Variants in ARID4B observed in about 807,000 individuals in gnomAD.
ARID4B encodes AT-rich interaction domain 4B, also known as AT-rich interactive domain-containing protein 4B.
A neutral mutation model predicts 147.5 loss-of-function variants in ARID4B; 26 were observed. That is an observed-to-expected ratio of 0.18 (90% confidence interval 0.13 to 0.24). ARID4B has a LOEUF of 0.24. Among genes scored for constraint, ARID4B ranks in the 10% least tolerant of loss-of-function variants. The pLI is 1.00. For synonymous variants in ARID4B, 512 were observed against 507.9 expected (o/e 1.01, Z -0.11); for missense variants, 1,179 against 1,511.5 (o/e 0.78, Z 3.65).
Position 235,207,767 on chromosome 1 carries a change from A to C in ARID4B, c.1841+6002T>G, listed in dbSNP as rs550787679. On this transcript the variant is annotated intron_variant, in intron 17 of 23. Transcript: ENST00000264183. ...TGAATGATGGCAAAAAATAGGATTGAGCCTACTCATTTGTGAAAGCCTTTT... is the reference window on the plus strand; with the variant it reads ...TGAATGATGGCAAAAAATAGGATTGCGCCTACTCATTTGTGAAAGCCTTTT... Among the ~76,000 whole-genome samples, 406 of 152,316 alleles carry C rather than the reference A, an allele frequency of 2.7e-3. 2 individuals carry two copies. The highest frequency in any genetic ancestry group is 0.024 in the Middle Eastern group (7 of 294).
chr1:235,168,698 T>C (rs759340213), intron 23 of ARID4B, 46 bp from the exon 24 acceptor site: 4 of 1,584,112 alleles, frequency 2.5e-6, no homozygotes, highest in Non-Finnish European at 2.6e-6. Context: ...AAAATTTATG[T>C]CTAACAATAG....
intron 2 of ARID4B, among the ~76,000 whole-genome samples, chr1:235,285,448 C>G (rs1671910960): frequency 1.3e-5 from 2 of 152,142 alleles, no homozygotes; most frequent in Admixed American, 6.6e-5. Flanking sequence ...AAACTAGGAA[C>G]AGAATGAAAC....
chr1:235,245,388 T>C (rs1669236699), intron 7 of ARID4B, among the ~76,000 whole-genome samples: 1 of 152,168 alleles, frequency 6.6e-6, no homozygotes, highest in Non-Finnish European at 1.5e-5. Flanking sequence ...TGCAGGTCAA[T>C]ATTACGTGAT....
intron 10 of ARID4B, among the ~76,000 whole-genome samples, chr1:235,230,548 C>T (rs1668135817): frequency 7.0e-6 from 1 of 142,292 alleles, no homozygotes; most frequent in Non-Finnish European, 1.5e-5. Context: ...CAGCTGACTA[C>T]ACAGTTCTCT....
At chr1:235,259,089 T>A (rs1056626171) in intron 3 of ARID4B, among the ~76,000 whole-genome samples, 6 of 152,212 alleles carry the variant, frequency 3.9e-5, no homozygotes, top group Admixed American at 2.0e-4. Flanking sequence ...AGAAACAAAT[T>A]TTTAGGGCAG....
intron 16 of ARID4B, among the ~76,000 whole-genome samples, chr1:235,218,676 T>C (rs762895785): frequency 2.2e-4 from 33 of 152,274 alleles, no homozygotes; most frequent in Middle Eastern, 3.4e-3. Flanking sequence ...AGCTGAAATC[T>C]TTACTGTTTC....
chr1:235,233,020 T>C (rs1668340095), intron 9 of ARID4B, among the ~76,000 whole-genome samples: 2 of 152,132 alleles, frequency 1.3e-5, no homozygotes, highest in African/African-American at 4.8e-5. Flanking sequence ...GTATTTTTAG[T>C]AGAGACGGAG....
intron 2 of ARID4B, among the ~76,000 whole-genome samples, chr1:235,271,754 G>C (rs1335674265): frequency 3.3e-5 from 5 of 152,064 alleles, no homozygotes; most frequent in African/African-American, 9.6e-5. Context: ...TTTGAGACCA[G>C]CCTGACCAAC....
chr1:235,248,543 G>A lies in ARID4B; in HGVS notation c.355-2032C>T, dbSNP rs189318635. On this transcript the variant is annotated intron_variant, in intron 6 of 23. Coordinates refer to ENST00000264183, the MANE Select transcript of ARID4B (RefSeq NM_016374.6). ...GGATTAAATGTATGCTCTCCCCACC[G>A]AAAATTAAGGTTGCTCTCTTTAAAG... 2.4e-4 allele frequency among the ~76,000 whole-genome samples: 37 copies of A among 152,192 alleles called. 1 individual carries two copies. In the East Asian group the frequency reaches 6.0e-3, roughly 25 times the overall value.
At chr1:235,243,842 C>A (rs375196011) in intron 7 of ARID4B, among the ~76,000 whole-genome samples, 1 of 152,024 alleles carries the variant, frequency 6.6e-6, no homozygotes, top group African/African-American at 2.4e-5. Context: ...AACCTATGTA[C>A]GCTTAACTAT....
At chr1:235,233,647 A>G (rs923757600) in intron 9 of ARID4B, among the ~76,000 whole-genome samples, 10 of 152,232 alleles carry the variant, frequency 6.6e-5, no homozygotes, top group African/African-American at 2.2e-4. Flanking sequence ...TATACAAGTA[A>G]CCCATTTTAA....
intron 22 of ARID4B, among the ~76,000 whole-genome samples, chr1:235,173,962 A>G (rs936108689): frequency 1.3e-5 from 2 of 150,698 alleles, no homozygotes; most frequent in Admixed American, 6.6e-5. Flanking sequence ...CAAAACCTGT[A>G]TCATCTGCAC....
chr1:235,315,441 A>G (rs1674363089), intron 2 of ARID4B, among the ~76,000 whole-genome samples: 1 of 152,202 alleles, frequency 6.6e-6, no homozygotes, highest in South Asian at 2.1e-4. Context: ...AAAAAAATAA[A>G]TTATCTGTCC....
chr1:235,308,861 A>T (rs1056479901), intron 2 of ARID4B, among the ~76,000 whole-genome samples: 1 of 152,158 alleles, frequency 6.6e-6, no homozygotes, highest in Non-Finnish European at 1.5e-5. Context: ...TTGGCCTCCC[A>T]AAGTGCCGAG....
intron 2 of ARID4B, among the ~76,000 whole-genome samples, chr1:235,289,281 T>TA (rs1379322481): frequency 2.6e-5 from 4 of 152,100 alleles, no homozygotes; most frequent in Non-Finnish European, 4.4e-5. Flanking sequence ...ATTTAACCAT[T>TA]AAAAAATTGC....
At chr1:235,212,568 G>A (rs989229347) in intron 17 of ARID4B, among the ~76,000 whole-genome samples, 2 of 152,116 alleles carry the variant, frequency 1.3e-5, no homozygotes, top group African/African-American at 4.8e-5. Context: ...TAGATCATGA[G>A]CTTCCTATTA....
chr1:235,295,627 T>C (rs926410384), intron 2 of ARID4B, among the ~76,000 whole-genome samples: 4 of 150,082 alleles, frequency 2.7e-5, no homozygotes, highest in Non-Finnish European at 4.4e-5. Flanking sequence ...CTGGCCAATA[T>C]AGTGAAACCC....
At chr1:235,256,820 CTTT>C (rs1323843173) in intron 4 of ARID4B, among the ~76,000 whole-genome samples, 1 of 148,858 alleles carries the variant, frequency 6.7e-6, no homozygotes, top group Non-Finnish European at 1.5e-5. Context: ...GTCAATGCTT[CTTT>C]GATACTCATT....
chr1:235,236,854 A>ATATATGTG (rs1668628014), intron 8 of ARID4B, among the ~76,000 whole-genome samples: 1 of 38,010 alleles, frequency 2.6e-5, no homozygotes, highest in Non-Finnish European at 5.0e-5. Flanking sequence ...ATATATATAT[A>ATATATGTG]TATATATATT....
Sources: gnomAD v4.1 joint callset for allele counts (sites outside exome capture counted in the v4.1 genomes callset) on GRCh38, gnomAD v4.1.1 for gene constraint, MANE v1.5 for transcripts, NCBI Gene and HGNC (gene_info 2026-07-23, HGNC 2026-07-21) for gene names.